The following TEX2 variants were observed in gnomAD, a reference collection of about 807,000 sequenced individuals.
The protein encoded by TEX2 is testis-expressed protein 2.
TEX2 carries 53 observed loss-of-function variants against 106.9 expected under a neutral mutation model. The observed-to-expected ratio is 0.50, with a 90% CI of 0.40 to 0.62. The LOEUF (loss-of-function observed/expected upper bound fraction) is 0.62, where lower values mean the gene tolerates loss of function less well. Among genes scored for constraint, TEX2 ranks in the 20% least tolerant of loss-of-function variants. The pLI, the probability that TEX2 is intolerant of heterozygous loss-of-function variation, is 0.00. For missense variants in TEX2, 1,207 were observed against 1,379.0 expected, an observed-to-expected ratio of 0.88 and a Z score of 1.98; for synonymous variants, 523 against 534.8, an observed-to-expected ratio of 0.98 and a Z score of 0.30.
In TEX2 at chr17:64,213,845, G is replaced by A; in HGVS notation, c.373C>T (p.Gln125Ter). Residue 125 changes from glutamine (Q) to a stop codon, truncating the protein, a stop_gained, in exon 2 of 12, where the codon CAA becomes TAA. Coordinates refer to ENST00000584379, the MANE Select transcript of TEX2 (RefSeq NM_001288732.2). LOFTEE classifies it high-confidence loss of function. The surrounding 1 kb of genome is among the most constrained non-coding windows in gnomAD (Gnocchi z 4.4). ...KLLESPVPAA[Q>*]VLSTVPLAVS... is the part of the protein sequence containing the mutation. The stretch of plus-strand genomic sequence containing the variant: ...GCCAATGGCACTGTACTTAATACTT[G>A]TGCTGCTGGAACAGGGGACTCCAAC... The A allele has an allele frequency of 6.2e-7, 1 of 1,614,216 alleles. No individual in the cohort carries two copies.
In TEX2 at chr17:64,214,210, C is replaced by T. The variant is rs1555632297; in HGVS notation, c.8G>A (p.Ser3Asn). ...TTTCTCGGCATGGCGACCATACAGACTTGTCATTGCCGGCTTCACAAGGGC... is the reference window on the plus strand; with the variant it reads ...TTTCTCGGCATGGCGACCATACAGATTTGTCATTGCCGGCTTCACAAGGGC... Reference protein sequence around the residue: MTSLYGRHAEKTT... With the variant: MTNLYGRHAEKTT... Residue 3 changes from serine (S) to asparagine (N), a missense_variant, in exon 2 of 12, where the codon AGT (serine) becomes AAT (asparagine). This residue lies in a region of TEX2 where 1,067 missense variants were observed against 1,193.6 expected (regional missense o/e 0.89). Transcript: ENST00000584379. The T allele has an allele frequency of 6.2e-7, 1 of 1,611,048 alleles. No individual in the cohort carries two copies. Among genetic ancestry groups the T allele is most frequent in the Admixed American group, 1.7e-5 (1 of 59,942 alleles).
chr17:64,157,811 A>G (rs1033426447), intron 8 of TEX2, among the ~76,000 whole-genome samples: 5 of 152,228 alleles, frequency 3.3e-5, no homozygotes, highest in Non-Finnish European at 7.3e-5. Flanking sequence ...GTAGATGTGA[A>G]CTAGTAACCC....
rs575665022 is a variant in TEX2 at position 64,195,090 on chromosome 17, C to G, written c.1650G>C (p.Trp550Cys). Reference protein sequence around the residue: ...DIKEPEILKGWMNEIYNYDPE... With the variant: ...DIKEPEILKGCMNEIYNYDPE... ...GATCATAGTTGTAAATCTCATTCAT[C>G]CATCCCTGATGAAGAAAAACTTCCA... The change falls in exon 3 of 12, where the codon TGG becomes TGC. Residue 550 changes from tryptophan (W) to cysteine (C), a missense_variant. Physicochemically the swap from Trp to Cys is radical, Grantham distance 215. Transcript: ENST00000584379. This position sits in a 1 kb window ranked among gnomAD's most constrained non-coding sequence, Gnocchi z 4.1. The G allele has an allele frequency of 9.3e-6, 15 of 1,613,964 alleles. No individual in the cohort carries two copies. In the East Asian group the frequency reaches 3.3e-4, roughly 36 times the overall value.
chr17:64,150,795 A>G, intron 11 of TEX2, 46 bp downstream of exon 11: 1 of 1,568,286 alleles, frequency 6.4e-7, no homozygotes, highest in Non-Finnish European at 8.6e-7. Context: ...CTAAACCCAG[A>G]GCTTCTATAC....
intron 8 of TEX2, among the ~76,000 whole-genome samples, chr17:64,157,741 A>G (rs1009873432): frequency 6.6e-6 from 1 of 152,254 alleles, no homozygotes; most frequent in Non-Finnish European, 1.5e-5. Flanking sequence ...GTCACAGTGT[A>G]AACTGCAGGC....
At position 64,218,661 on chromosome 17, in the gene TEX2, C is replaced by G. The variant is rs149047845; in HGVS notation, c.-25-4419G>C. Among the ~76,000 whole-genome samples, 410 of 152,248 alleles carry G rather than the reference C, an allele frequency of 2.7e-3. 6 individuals carry two copies. Among genetic ancestry groups the G allele is most frequent in the African/African-American group, 9.6e-3 (400 of 41,524 alleles). On this transcript the variant is annotated intron_variant, in intron 1 of 11. Transcript: ENST00000584379. ...CTTGAACTCCTGACCTTGTGATCCA[C>G]CAATCTTGGCCTCCCAAAGTGCTGG...
At chr17:64,218,246 C>T (rs2177740) in intron 1 of TEX2, among the ~76,000 whole-genome samples, 1 of 151,224 alleles carries the variant, frequency 6.6e-6, no homozygotes, top group African/African-American at 2.4e-5. Context: ...ACTCTGACTC[C>T]AGAAAAAAAA....
chr17:64,184,432 G>A lies in TEX2; in HGVS notation c.2424+3736C>T, dbSNP rs147440978. 3.5e-3 allele frequency among the ~76,000 whole-genome samples: 530 copies of A among 152,214 alleles called. 5 individuals carry two copies. Among genetic ancestry groups the A allele is most frequent in the African/African-American group, 0.012 (498 of 41,550 alleles). ...GCTTAATCTGGTTATTTATCTCTTTGTTATTGAGTTGTAAGAGTCCTTTAT... is the reference window on the plus strand; with the variant it reads ...GCTTAATCTGGTTATTTATCTCTTTATTATTGAGTTGTAAGAGTCCTTTAT... On this transcript the variant is annotated intron_variant, in intron 5 of 11. Coordinates refer to ENST00000584379, the MANE Select transcript of TEX2 (RefSeq NM_001288732.2).
chr17:64,173,003 T>C (rs1182367414), intron 6 of TEX2, among the ~76,000 whole-genome samples: 2 of 152,232 alleles, frequency 1.3e-5, no homozygotes, highest in Admixed American at 6.5e-5. Context: ...ATTCATAATT[T>C]TAATGTAAGA....
chr17:64,230,678 T>C (rs899941951), intron 1 of TEX2: 1 of 152,202 alleles, frequency 6.6e-6, no homozygotes, highest in Non-Finnish European at 1.5e-5. Context: ...GGCCCTCAAA[T>C]GACAGTGACG....
intron 2 of TEX2, among the ~76,000 whole-genome samples, chr17:64,203,893 C>T (rs990735372): frequency 6.6e-6 from 1 of 152,228 alleles, no homozygotes; most frequent in East Asian, 1.9e-4. Flanking sequence ...TTATCCTGCT[C>T]TCCTATCCTC....
rs1598113583 is a variant in TEX2, at chr17:64,153,687, G to A, written c.2931-533C>T. Among the ~76,000 whole-genome samples, 3 of 152,258 alleles carry A rather than the reference G, an allele frequency of 2.0e-5. No individual in the cohort carries two copies. The highest frequency in any genetic ancestry group is 3.9e-4 in the East Asian group (2 of 5,182). ...GTGGTGTCACATGGCTACCTTGAGTGGCAATTACTTTTCAAAGGGCTTGGA... is the reference window on the plus strand; with the variant it reads ...GTGGTGTCACATGGCTACCTTGAGTAGCAATTACTTTTCAAAGGGCTTGGA... On this transcript the variant is annotated intron_variant, in intron 9 of 11. Coordinates refer to ENST00000584379, the MANE Select transcript of TEX2 (RefSeq NM_001288732.2). This position sits in a 1 kb window ranked among gnomAD's most constrained non-coding sequence, Gnocchi z 4.1.
intron 1 of TEX2, among the ~76,000 whole-genome samples, chr17:64,244,935 A>G (rs1555636148): frequency 6.6e-6 from 1 of 152,156 alleles, no homozygotes; most frequent in Non-Finnish European, 1.5e-5. Context: ...GTTACTCTGA[A>G]AATCTCACTT....
At chr17:64,188,130 G>A (rs574922929) in intron 5 of TEX2, 38 bp downstream of exon 5, 37 of 1,590,360 alleles carry the variant, frequency 2.3e-5, no homozygotes, top group East Asian at 1.6e-4. Flanking sequence ...TGTCTAAGTC[G>A]AAAAGTGAAA....
At chr17:64,202,117 C>A (rs1353847869) in intron 2 of TEX2, among the ~76,000 whole-genome samples, 2 of 152,112 alleles carry the variant, frequency 1.3e-5, no homozygotes, top group African/African-American at 2.4e-5. Flanking sequence ...TAGCACAGAA[C>A]AAGAAAATAA....
intron 8 of TEX2, among the ~76,000 whole-genome samples, chr17:64,158,527 G>A (rs1024724176): frequency 1.5e-4 from 23 of 152,150 alleles, no homozygotes; most frequent in African/African-American, 5.6e-4. Flanking sequence ...AGTTCCAAAG[G>A]TCACACGCTT....
At chr17:64,191,590 G>A (rs922210333) in intron 4 of TEX2, among the ~76,000 whole-genome samples, 1 of 152,182 alleles carries the variant, frequency 6.6e-6, no homozygotes. Context: ...GCCAAGGTGG[G>A]CGGTTCACTT....
At chr17:64,234,069 A>G (rs1555634882) in intron 1 of TEX2, among the ~76,000 whole-genome samples, 3 of 152,224 alleles carry the variant, frequency 2.0e-5, no homozygotes, top group African/African-American at 7.2e-5. Flanking sequence ...AGGCAGAAAT[A>G]AGGGGTAAGG....
chr17:64,218,769 G>A (rs543086397), intron 1 of TEX2, among the ~76,000 whole-genome samples: 11 of 152,188 alleles, frequency 7.2e-5, no homozygotes, highest in Middle Eastern at 3.4e-3. Context: ...GGGCTGGCCA[G>A]CGTGGAACAC....
Sources: gnomAD v4.1 joint callset for allele counts (sites outside exome capture counted in the v4.1 genomes callset) on GRCh38, gnomAD v4.1.1 for gene constraint, gnomAD v4.1.1 regional missense constraint, Gnocchi (gnomAD v3.1) non-coding constraint, MANE v1.5 for transcripts, NCBI Gene and HGNC (gene_info 2026-07-23, HGNC 2026-07-21) for gene names.